Variants in RBFOX1 observed in about 807,000 individuals in gnomAD.
The protein encoded by RBFOX1 is RNA binding protein fox-1 homolog 1.
Under a neutral mutation model 57.7 loss-of-function variants are expected in RBFOX1, and 8 were observed. That is an observed-to-expected ratio of 0.14 (90% CI 0.08 to 0.25). The LOEUF is 0.25. Among genes scored for constraint, RBFOX1 ranks in the 10% least tolerant of loss-of-function variants. RBFOX1 has a pLI of 1.00. For missense variants in RBFOX1, 611 were observed against 548.5 expected, an observed-to-expected ratio of 1.11 and a Z score of -1.14; for synonymous variants, 326 against 222.4, an observed-to-expected ratio of 1.47 and a Z score of -4.15.
At position 5,614,679 on chromosome 16, in the gene RBFOX1, C is replaced by G. The variant is rs143787467; in HGVS notation, c.318+15718C>G. Reference sequence around the variant, plus strand: ...TTTTCCAGTTGTCAACATTCCACCCCTACCCCCTGTACATATCTTGTACTA... The same window carrying G: ...TTTTCCAGTTGTCAACATTCCACCCGTACCCCCTGTACATATCTTGTACTA... On this transcript the variant is annotated intron_variant, in intron 3 of 19. Coordinates refer to the RBFOX1 transcript ENST00000641259. 6.6e-5 allele frequency among the ~76,000 whole-genome samples: 10 copies of G among 152,220 alleles called. No individual in the cohort carries two copies. In the East Asian group the frequency reaches 1.9e-3, roughly 29 times the overall value.
chr16:5,624,598 C>T (rs919902188), intron 3 of RBFOX1, among the ~76,000 whole-genome samples: 11 of 152,224 alleles, frequency 7.2e-5, no homozygotes, highest in Admixed American at 5.2e-4. Context: ...CCTCATCCCC[C>T]ACCTGGGAGG....
At chr16:6,307,678 T>G (rs2152755137) in intron 1 of RBFOX1, among the ~76,000 whole-genome samples, 1 of 147,592 alleles carries the variant, frequency 6.8e-6, no homozygotes, top group South Asian at 2.1e-4. Flanking sequence ...AATATTTATG[T>G]ATTTTTATAA....
At chr16:6,292,820 C>T (rs1011048145) in intron 1 of RBFOX1, among the ~76,000 whole-genome samples, 1 of 152,156 alleles carries the variant, frequency 6.6e-6, no homozygotes, top group Non-Finnish European at 1.5e-5. Context: ...TGAAACTCAG[C>T]CTGGGAGCTA....
At chr16:7,297,051 C>G (rs767773400) in intron 4 of RBFOX1, among the ~76,000 whole-genome samples, 1 of 152,102 alleles carries the variant, frequency 6.6e-6, no homozygotes, top group Non-Finnish European at 1.5e-5. Context: ...TCCATGGGAG[C>G]CATAGTCAGT....
chr16:6,845,043 C>T (rs558099870), intron 3 of RBFOX1, among the ~76,000 whole-genome samples: 2 of 152,126 alleles, frequency 1.3e-5, no homozygotes, highest in East Asian at 1.9e-4. Flanking sequence ...GTTTTTCTTG[C>T]ACATTTGCTT....
At chr16:5,585,406 C>T (rs1046947895) in intron 2 of RBFOX1, among the ~76,000 whole-genome samples, 1 of 152,166 alleles carries the variant, frequency 6.6e-6, no homozygotes, top group Non-Finnish European at 1.5e-5. Context: ...ATCTGTTCAT[C>T]CAGTGATGGA....
At chr16:7,571,054 G>A (rs553043623) in intron 5 of RBFOX1, among the ~76,000 whole-genome samples, 1 of 152,146 alleles carries the variant, frequency 6.6e-6, no homozygotes, top group African/African-American at 2.4e-5. Context: ...GACACAGGGA[G>A]GGGAACAACA....
chr16:7,028,951 C>A (rs570241087), intron 3 of RBFOX1, among the ~76,000 whole-genome samples: 132 of 148,802 alleles, frequency 8.9e-4, no homozygotes, highest in African/African-American at 3.2e-3. Context: ...GTTTAAATGA[C>A]CATAGCAGCA....
At chr16:7,036,376 A>C (rs141596738) in intron 3 of RBFOX1, among the ~76,000 whole-genome samples, 3 of 152,110 alleles carry the variant, frequency 2.0e-5, no homozygotes, top group Non-Finnish European at 4.4e-5. Context: ...AGGGGTCCCA[A>C]TGCAGATCCC....
At chr16:5,682,144 C>T (rs1191811308) in intron 3 of RBFOX1, among the ~76,000 whole-genome samples, 1 of 152,084 alleles carries the variant, frequency 6.6e-6, no homozygotes, top group East Asian at 1.9e-4. Context: ...GTAAATGACA[C>T]CAAAAGCTAT....
chr16:7,131,674 A>G (rs1816435785), intron 4 of RBFOX1, among the ~76,000 whole-genome samples: 1 of 151,840 alleles, frequency 6.6e-6, no homozygotes. Flanking sequence ...GCATAAAGTC[A>G]ATATTGTCTT....
At chr16:5,910,760 G>GA (rs34652998) in intron 4 of RBFOX1, among the ~76,000 whole-genome samples, 1 of 152,186 alleles carries the variant, frequency 6.6e-6, no homozygotes, top group African/African-American at 2.4e-5. Flanking sequence ...ATCTCTGCCT[G>GA]AAAACTTTGT....
intron 3 of RBFOX1, among the ~76,000 whole-genome samples, chr16:6,764,887 A>C (rs2077112297): frequency 6.6e-6 from 1 of 152,156 alleles, no homozygotes; most frequent in African/African-American, 2.4e-5. Context: ...CAGTGAGCCG[A>C]GATTGTGCCA....
chr16:6,956,984 A>G (rs2081977606), intron 3 of RBFOX1, among the ~76,000 whole-genome samples: 1 of 151,970 alleles, frequency 6.6e-6, no homozygotes, highest in African/African-American at 2.4e-5. Context: ...GCAAGTCTGC[A>G]GAGTAAAGTG....
At chr16:6,892,880 G>A (rs2065864638) in intron 3 of RBFOX1, among the ~76,000 whole-genome samples, 1 of 144,810 alleles carries the variant, frequency 6.9e-6, no homozygotes, top group Non-Finnish European at 1.5e-5. Flanking sequence ...TTCTGTCTCT[G>A]CTCATTTCTC....
At chr16:5,790,477 C>T (rs534687670) in intron 3 of RBFOX1, among the ~76,000 whole-genome samples, 1 of 149,286 alleles carries the variant, frequency 6.7e-6, no homozygotes, top group East Asian at 2.0e-4. Flanking sequence ...TGCAATACAA[C>T]TGTTGATGAA....
chr16:6,511,818 C>G (rs1409959889), intron 2 of RBFOX1, among the ~76,000 whole-genome samples: 1 of 152,176 alleles, frequency 6.6e-6, no homozygotes, highest in African/African-American at 2.4e-5. Flanking sequence ...GTAGAAGTAT[C>G]TAGACTTGAA....
chr16:5,519,844 C>G (rs1053297720), intron 2 of RBFOX1, among the ~76,000 whole-genome samples: 2 of 152,206 alleles, frequency 1.3e-5, no homozygotes, highest in African/African-American at 4.8e-5. Flanking sequence ...AGAGGCTCAT[C>G]TTTCTCATTT....
chr16:6,248,353 T>C (rs2152939391), intron 1 of RBFOX1, among the ~76,000 whole-genome samples: 1 of 152,310 alleles, frequency 6.6e-6, no homozygotes, highest in East Asian at 1.9e-4. Context: ...CAACACAGTC[T>C]ATTTCACAGC....
Sources: allele counts gnomAD v4.1 joint callset (sites outside exome capture counted in the v4.1 genomes callset), GRCh38; gene constraint gnomAD v4.1.1; transcripts MANE v1.5; gene names NCBI Gene and HGNC (gene_info 2026-07-23, HGNC 2026-07-21).